The following TSC1 variants were observed in gnomAD, a reference collection of about 807,000 sequenced individuals.
TSC1 encodes TSC complex subunit 1.
A neutral mutation model predicts 124.3 loss-of-function variants in TSC1; 20 were observed. The observed-to-expected ratio is 0.16, with a 90% CI of 0.11 to 0.23. TSC1 has a LOEUF of 0.23. Ranked by LOEUF, TSC1 falls within the 10% of genes least tolerant of loss-of-function variation. The pLI, the probability that TSC1 is intolerant of heterozygous loss-of-function variation, is 1.00. For missense variants in TSC1, 1,124 were observed against 1,448.5 expected (o/e 0.78, Z 3.64); for synonymous variants, 493 against 539.1 (o/e 0.91, Z 1.19).
rs1276909010 is a variant in TSC1, at chr9:132,910,761, C to G, written c.1142-69G>C. ...ATTAGAAAAACTGCCGATTTTTTTT[C>G]AGCCTATAACTATTACTATAAATAA... is the stretch of plus-strand genomic sequence containing the variant. On this transcript the variant is annotated intron_variant, in intron 11 of 22. Transcript: ENST00000298552. The G allele has an allele frequency of 3.8e-6, 6 of 1,598,906 alleles. No homozygotes were observed. In the Admixed American group the frequency reaches 1.0e-4, roughly 27 times the overall value.
intron 2 of TSC1, 102 bp downstream of exon 2, chr9:132,934,931 G>A (rs1847378745): frequency 2.5e-6 from 1 of 397,702 alleles, no homozygotes. Flanking sequence ...CCAGTTCCTG[G>A]CAAGTAGCTA....
At position 132,926,025 on chromosome 9, in the gene TSC1, A is replaced by G. The variant is rs9942877; in HGVS notation, c.211-286T>C. On this transcript the variant is annotated intron_variant, in intron 4 of 22. Transcript: ENST00000298552. ...TGTTCACAGCCCCTCAATAACCAAC[A>G]GTCCCAAACTGTGATAGGTTACTGA... 852 of 446,656 alleles carry G rather than the reference A, an allele frequency of 1.9e-3. 9 individuals carry two copies. Among genetic ancestry groups the G allele is most frequent in the African/African-American group, 0.015 (749 of 50,380 alleles). 27.7% of individuals were successfully genotyped at this position (446,656 alleles called of 1,614,324 possible). A position where few individuals can be genotyped will look rare whatever the true frequency, so the allele number is the denominator to read the frequency against.
chr9:132,919,087 G>C (rs544791986), intron 8 of TSC1, among the ~76,000 whole-genome samples: 1 of 152,188 alleles, frequency 6.6e-6, no homozygotes, highest in African/African-American at 2.4e-5. Context: ...TAGGCTCCTA[G>C]GCTACAAACC....
At chr9:132,927,333 A>C in intron 3 of TSC1, 29 bp from the exon 4 acceptor site, 1 of 1,601,090 alleles carries the variant, frequency 6.2e-7, no homozygotes, top group South Asian at 1.1e-5. Flanking sequence ...AATGGATGAT[A>C]CTTATTCCCC....
At chr9:132,922,122 T>C in intron 6 of TSC1, 149 bp from the exon 7 acceptor site, 1 of 931,016 alleles carries the variant, frequency 1.1e-6, no homozygotes, top group Non-Finnish European at 1.7e-6. Context: ...TTTTCTAAAA[T>C]GCAAACAAAT....
intron 8 of TSC1, among the ~76,000 whole-genome samples, chr9:132,915,919 T>G (rs1407039095): frequency 6.6e-6 from 1 of 152,178 alleles, no homozygotes; most frequent in Non-Finnish European, 1.5e-5. Flanking sequence ...GGGGATAGGC[T>G]CCTATTTATG....
At position 132,892,088 on chromosome 9, in the gene TSC1, C is replaced by T. The variant is rs971000148; in HGVS notation, c.*4147G>A. Reference sequence around the variant, plus strand: ...TCCAGGCAGGCTTCCCTTGTAGCTACAGCTACTCTTCCCTCAGGCGAGCAG... The same window carrying T: ...TCCAGGCAGGCTTCCCTTGTAGCTATAGCTACTCTTCCCTCAGGCGAGCAG... On this transcript the variant is annotated 3_prime_UTR_variant, in exon 23 of 23. Transcript: ENST00000298552. 3.0e-5 allele frequency: 7 copies of T among 233,236 alleles called. No homozygotes were observed. In the South Asian group the frequency reaches 1.1e-3, roughly 36 times the overall value. The allele number at this position is 233,236 out of a possible 1,614,324, so 14.4% of individuals were successfully genotyped here.
chr9:132,907,308 T>G lies in TSC1; in HGVS notation c.1326A>C (p.Arg442Ser). 5.0e-6 allele frequency: 8 copies of G among 1,614,034 alleles called. No homozygotes were observed. The highest frequency in any genetic ancestry group is 6.8e-6 in the Non-Finnish European group (8 of 1,179,878). The change falls in exon 13 of 23, where the codon AGA becomes AGC. Residue 442 changes from arginine (R) to serine (S), a missense_variant. Arg to Ser is a moderately radical substitution (Grantham distance 110, BLOSUM62 -1). Transcript: ENST00000298552. ...LHRQHHLLND[R>S]GSEEPPGSKG... ...GTAACGCAGAAATTTTACCTGATCC[T>G]CTGTCATTCAGAAGATGGTGTTGTC...
rs1158059433 is a variant in TSC1 at position 132,905,690 on chromosome 9, T to G, written c.1888A>C (p.Lys630Gln). Reference protein sequence around the residue: ...VIRKTEELLKKAKGNTEEDGV... With the variant: ...VIRKTEELLKQAKGNTEEDGV... ...TCTTCCTCTGTGTTTCCTTTTGCTT[T>G]CTTTAACAGCTCCTCAGTCTTCCTG... Residue 630 changes from lysine (K) to glutamine (Q), a missense_variant, in exon 15 of 23, where the codon AAA (lysine) becomes CAA (glutamine). By Grantham distance (53) the Lys-to-Gln change is moderately conservative (BLOSUM62 1). Coordinates refer to ENST00000298552, the MANE Select transcript of TSC1 (RefSeq NM_000368.5). 3.1e-6 allele frequency: 5 copies of G among 1,614,112 alleles called. No homozygotes were observed. In the Admixed American group the frequency reaches 6.7e-5, roughly 22 times the overall value.
At chr9:132,922,809 C>A (rs540782833) in intron 6 of TSC1, among the ~76,000 whole-genome samples, 1 of 152,208 alleles carries the variant, frequency 6.6e-6, no homozygotes, top group African/African-American at 2.4e-5. Flanking sequence ...CCCAAAGATT[C>A]CAAATTTCAC....
rs1207133391 is a variant in TSC1, at chr9:132,896,305, G to A, written c.3425C>T (p.Pro1142Leu). The A allele has an allele frequency of 1.2e-6, 2 of 1,614,070 alleles. No homozygotes were observed. The highest frequency in any genetic ancestry group is 8.5e-7 in the Non-Finnish European group (1 of 1,180,050). The change falls in exon 23 of 23, where the codon CCC (proline) becomes CTC (leucine). Residue 1142 changes from proline to leucine, a missense_variant. Around this residue, in one of 5 missense-constraint regions of TSC1, gnomAD observed 325 missense variants for 383.4 expected, o/e 0.85. Coordinates refer to ENST00000298552, the MANE Select transcript of TSC1 (RefSeq NM_000368.5). This position sits in a 1 kb window ranked among gnomAD's most constrained non-coding sequence, Gnocchi z 4.5. The stretch of plus-strand genomic sequence containing the variant: ...CTGTCCAACACTGTCCGGGGTCGGG[G>A]GAGACGGGTGAGGGCCATCTAGGTT... The part of the protein sequence containing the change: ...PLNLDGPHPS[P>L]PTPDSVGQLH...
upstream of TSC1, chr9:132,944,877 CGAA>C (rs1468377886): frequency 3.0e-6 from 1 of 334,406 alleles, no homozygotes; most frequent in Admixed American, 4.9e-5. Context: ...TGTGACTCCG[CGAA>C]GGAGGCAAAA....
Position 132,895,439 on chromosome 9 carries a change from G to C in TSC1, c.*796C>G, listed in dbSNP as rs1844980160. On this transcript the variant is annotated 3_prime_UTR_variant, in exon 23 of 23. Coordinates refer to ENST00000298552, the MANE Select transcript of TSC1 (RefSeq NM_000368.5). ...TGCTCCTTCCCTCCTATGGAGAACA[G>C]GTTTTACCACCTACACACCAGCCTG... 8.6e-6 allele frequency: 2 copies of C among 233,486 alleles called. No homozygotes were observed. The highest frequency in any genetic ancestry group is 2.2e-5 in the African/African-American group (1 of 45,320). 14.5% of individuals were successfully genotyped at this position (233,486 alleles called of 1,614,324 possible). A position where few individuals can be genotyped will look rare whatever the true frequency, so the allele number is the denominator to read the frequency against.
intron 3 of TSC1, among the ~76,000 whole-genome samples, chr9:132,928,133 C>G (rs901883954): frequency 6.6e-6 from 1 of 152,114 alleles, no homozygotes; most frequent in Non-Finnish European, 1.5e-5. Flanking sequence ...CATTTCTTTC[C>G]GTCCTCCTAG....
rs967496134 is a variant in TSC1 at position 132,892,685 on chromosome 9, G to C, written c.*3550C>G. 2.1e-5 allele frequency: 5 copies of C among 233,232 alleles called. No homozygotes were observed. The highest frequency in any genetic ancestry group is 1.1e-4 in the African/African-American group (5 of 45,358). 14.4% of individuals were successfully genotyped at this position (233,232 alleles called of 1,614,324 possible). A position where few individuals can be genotyped will look rare whatever the true frequency, so the allele number is the denominator to read the frequency against. ...GTCTCATTACGCAGAACTTTTGTTTGCTCTTCGGTTCTTTCCTTCTTCAAG... is the reference window on the plus strand; with the variant it reads ...GTCTCATTACGCAGAACTTTTGTTTCCTCTTCGGTTCTTTCCTTCTTCAAG... On this transcript the variant is annotated 3_prime_UTR_variant, in exon 23 of 23. Coordinates refer to ENST00000298552, the MANE Select transcript of TSC1 (RefSeq NM_000368.5).
rs1301051974 is a variant in TSC1, at chr9:132,905,820, A to G, written c.1758T>C (p.Cys586=). ...CCACTCTCGTCGGAGGTGGAATTTT[A>G]CAAGGACTGGGAGTGAAGATACTGG... is the stretch of plus-strand genomic sequence containing the variant. ...LETSIFTPSP[C]KIPPPTRVGF... is the part of the protein sequence containing the mutation. The change falls in exon 15 of 23, where the codon TGT becomes TGC. Residue 586 remains cysteine (C), a synonymous_variant. Coordinates refer to ENST00000298552, the MANE Select transcript of TSC1 (RefSeq NM_000368.5). The G allele has an allele frequency of 6.2e-7, 1 of 1,614,198 alleles. No homozygotes were observed. Among genetic ancestry groups the G allele is most frequent in the Admixed American group, 1.7e-5 (1 of 60,026 alleles).
rs762845573 is a variant in TSC1, at chr9:132,896,464, C to G, written c.3266G>C (p.Gly1089Ala). The G allele has an allele frequency of 3.7e-6, 6 of 1,614,098 alleles. No homozygotes were observed. In the East Asian group the frequency reaches 1.3e-4, roughly 36 times the overall value. ...GSLPSSKSFL[G>A]MKARELFRNK... Reference sequence around the variant, plus strand: ...ACGAAATAACTCTCGAGCCTTCATACCCAGGAAGCTTTTTGAACTGGGAAG... The same window carrying G: ...ACGAAATAACTCTCGAGCCTTCATAGCCAGGAAGCTTTTTGAACTGGGAAG... The change falls in exon 23 of 23, where the codon GGT becomes GCT. Residue 1089 changes from glycine (G) to alanine (A), a missense_variant. By Grantham distance (60) the Gly-to-Ala change is moderately conservative (BLOSUM62 0). Around this residue, in one of 5 missense-constraint regions of TSC1, gnomAD observed 325 missense variants for 383.4 expected, o/e 0.85. Transcript: ENST00000298552. The surrounding 1 kb of genome is among the most constrained non-coding windows in gnomAD (Gnocchi z 4.5).
intron 11 of TSC1, 130 bp from the exon 12 acceptor site, chr9:132,910,822 G>A (rs1845916262): frequency 7.0e-7 from 1 of 1,436,316 alleles, no homozygotes; most frequent in East Asian, 2.3e-5. Flanking sequence ...ATCTAGATCA[G>A]TCTCTCTCTT....
At chr9:132,897,716 T>C in intron 20 of TSC1, 106 bp from the exon 21 acceptor site, 1 of 1,435,192 alleles carries the variant, frequency 7.0e-7, no homozygotes. Context: ...GGCATTTTAG[T>C]ATACTGATAA....
Sources: gnomAD v4.1 joint callset for allele counts (sites outside exome capture counted in the v4.1 genomes callset) on GRCh38, gnomAD v4.1.1 for gene constraint, gnomAD v4.1.1 regional missense constraint, Gnocchi (gnomAD v3.1) non-coding constraint, MANE v1.5 for transcripts, NCBI Gene and HGNC (gene_info 2026-07-23, HGNC 2026-07-21) for gene names.